Variants in NRG3 observed in about 807,000 individuals in gnomAD.
NRG3 encodes neuregulin 3.
Under a neutral mutation model 66.9 loss-of-function variants are expected in NRG3, and 31 were observed. The observed-to-expected ratio is 0.46, with a 90% CI of 0.35 to 0.63. NRG3 has a LOEUF of 0.63. Among genes scored for constraint, NRG3 ranks in the 20% least tolerant of loss-of-function variants. The pLI, the probability that NRG3 is intolerant of heterozygous loss-of-function variation, is 0.00. For missense variants in NRG3, 910 were observed against 878.9 expected, an observed-to-expected ratio of 1.04 and a Z score of -0.45; for synonymous variants, 393 against 359.4, an observed-to-expected ratio of 1.09 and a Z score of -1.06.
chr10:82,339,798 C>CT (rs922817037), intron 1 of NRG3, among the ~76,000 whole-genome samples: 1 of 151,974 alleles, frequency 6.6e-6, no homozygotes, highest in African/African-American at 2.4e-5. Flanking sequence ...TCCTCTCCTG[C>CT]TTGTGTGCAC....
At chr10:82,436,760 G>A (rs2090161003) in intron 2 of NRG3, among the ~76,000 whole-genome samples, 1 of 152,132 alleles carries the variant, frequency 6.6e-6, no homozygotes, top group African/African-American at 2.4e-5. Context: ...GGATTTGCTT[G>A]TCTGGAAAGG....
At chr10:82,121,821 A>G (rs907357660) in intron 1 of NRG3, among the ~76,000 whole-genome samples, 1 of 151,902 alleles carries the variant, frequency 6.6e-6, no homozygotes. Context: ...TTTTTTTTAT[A>G]GAGATGGTGT....
At chr10:82,672,206 G>C (rs1465905581) in intron 2 of NRG3, among the ~76,000 whole-genome samples, 1 of 152,162 alleles carries the variant, frequency 6.6e-6, no homozygotes, top group Non-Finnish European at 1.5e-5. Flanking sequence ...GGAAAGAAAT[G>C]TTTTAGGCAG....
rs548188847 is a variant in NRG3 at position 82,619,705 on chromosome 10, G to A, written c.954-118872G>A. ...GGTAATAAGGTTAAGGTGAGGTTAT[G>A]AGGGTGAGCCCTAATCTAATATGAC... On this transcript the variant is annotated intron_variant, in intron 2 of 8. Transcript: ENST00000372141. Among the ~76,000 whole-genome samples, 10 of 152,310 alleles carry A rather than the reference G, an allele frequency of 6.6e-5. No homozygotes were observed. In the South Asian group the frequency reaches 2.1e-3, roughly 32 times the overall value.
At chr10:82,002,964 C>T (rs1455521002) in intron 1 of NRG3, among the ~76,000 whole-genome samples, 1 of 152,126 alleles carries the variant, frequency 6.6e-6, no homozygotes, top group Non-Finnish European at 1.5e-5. Context: ...AAAGATCACT[C>T]TGATTGCTTT....
intron 1 of NRG3, among the ~76,000 whole-genome samples, chr10:81,943,881 G>A (rs1848605876): frequency 6.6e-6 from 1 of 152,096 alleles, no homozygotes; most frequent in Non-Finnish European, 1.5e-5. Flanking sequence ...AAAGTGGGGG[G>A]TGCTCTGAGG....
intron 1 of NRG3, among the ~76,000 whole-genome samples, chr10:82,315,263 T>G (rs72827336): frequency 5.9e-5 from 9 of 152,330 alleles, no homozygotes; most frequent in Non-Finnish European, 1.3e-4. Context: ...CCGGAGTACT[T>G]TTGAAACTCC....
chr10:82,789,103 C>T (rs2135355219), intron 3 of NRG3, among the ~76,000 whole-genome samples: 1 of 152,200 alleles, frequency 6.6e-6, no homozygotes, highest in South Asian at 2.1e-4. Context: ...GAAGATTTTA[C>T]ATTTCCACCA....
At chr10:82,134,704 C>T (rs907219754) in intron 1 of NRG3, among the ~76,000 whole-genome samples, 8 of 151,970 alleles carry the variant, frequency 5.3e-5, no homozygotes, top group African/African-American at 1.9e-4. Flanking sequence ...ATGCCTCCAG[C>T]TTTGTTCTTT....
chr10:82,120,905 A>G (rs2068047077), intron 1 of NRG3, among the ~76,000 whole-genome samples: 1 of 151,930 alleles, frequency 6.6e-6, no homozygotes, highest in South Asian at 2.1e-4. Context: ...CTCCGTACCC[A>G]TGTTTCTGCC....
chr10:82,208,062 TAGA>T (rs998390309), intron 1 of NRG3, among the ~76,000 whole-genome samples: 1 of 152,142 alleles, frequency 6.6e-6, no homozygotes, highest in African/African-American at 2.4e-5. Flanking sequence ...AATTATCAGG[TAGA>T]AACAATTATG....
chr10:81,879,949 C>T (rs760496421), intron 1 of NRG3, among the ~76,000 whole-genome samples: 67 of 152,164 alleles, frequency 4.4e-4, no homozygotes, highest in Non-Finnish European at 8.8e-5. Context: ...AAGGTACTGA[C>T]CCCAATCATG....
intron 5 of NRG3, among the ~76,000 whole-genome samples, chr10:82,953,381 A>G (rs1320746374): frequency 6.6e-6 from 1 of 151,962 alleles, no homozygotes; most frequent in African/African-American, 2.4e-5. Flanking sequence ...CATGCTCTAA[A>G]CCTCTATACC....
At chr10:82,265,336 G>A (rs191290438) in intron 1 of NRG3, among the ~76,000 whole-genome samples, 1 of 152,286 alleles carries the variant, frequency 6.6e-6, no homozygotes, top group East Asian at 1.9e-4. Context: ...CTGGATTTAT[G>A]TAAGGTATTA....
At chr10:82,776,626 A>ATT (rs928316541) in intron 3 of NRG3, among the ~76,000 whole-genome samples, 1 of 148,010 alleles carries the variant, frequency 6.8e-6, no homozygotes, top group Non-Finnish European at 1.5e-5. Context: ...ACTCTTTTTC[A>ATT]TTTTTTTTCT....
chr10:82,319,582 G>T (rs1459982429), intron 1 of NRG3, among the ~76,000 whole-genome samples: 1 of 152,098 alleles, frequency 6.6e-6, no homozygotes, highest in East Asian at 1.9e-4. Flanking sequence ...ATTACCATGG[G>T]CTCCATATTT....
chr10:82,871,527 A>G (rs1317536021), intron 4 of NRG3, among the ~76,000 whole-genome samples: 1 of 152,130 alleles, frequency 6.6e-6, no homozygotes, highest in Admixed American at 6.5e-5. Context: ...CATCTTGACA[A>G]TATTGAGTAT....
At chr10:81,899,736 G>T (rs59440258) in intron 1 of NRG3, among the ~76,000 whole-genome samples, 1,971 of 152,168 alleles carry the variant, frequency 0.013, 42 homozygotes, top group African/African-American at 0.045. Context: ...CCGTGGAGCT[G>T]CCAAAGCAAC....
At chr10:82,563,191 G>T (rs2133037675) in intron 2 of NRG3, among the ~76,000 whole-genome samples, 1 of 152,024 alleles carries the variant, frequency 6.6e-6, no homozygotes, top group East Asian at 1.9e-4. Context: ...AGAAACAATT[G>T]AACATTATTT....
Sources: allele counts gnomAD v4.1 joint callset (sites outside exome capture counted in the v4.1 genomes callset), GRCh38; gene constraint gnomAD v4.1.1; transcripts MANE v1.5; gene names NCBI Gene and HGNC (gene_info 2026-07-23, HGNC 2026-07-21).